The following BEND7 variants were observed in gnomAD, a reference collection of about 807,000 sequenced individuals.
The protein encoded by BEND7 is BEN domain-containing protein 7.
In BEND7, 28 loss-of-function variants were observed where a neutral mutation model predicts 50.9. That is an observed-to-expected ratio of 0.55 (90% CI 0.41 to 0.75). BEND7 has a LOEUF of 0.75. Ranked by LOEUF, BEND7 falls within the 30% of genes least tolerant of loss-of-function variation. The probability of loss-of-function intolerance (pLI) is 0.00; values close to 1 mark genes in which losing one functional copy is unlikely to be tolerated. For synonymous variants in BEND7, 170 were observed against 183.9 expected (o/e 0.92, Z 0.61); for missense variants, 477 against 491.3 (o/e 0.97, Z 0.28).
chr10:13,465,570 C>T (rs1045914518), intron 6 of BEND7, among the ~76,000 whole-genome samples: 1 of 152,166 alleles, frequency 6.6e-6, no homozygotes, highest in African/African-American at 2.4e-5. Flanking sequence ...AAACTGATTC[C>T]AAGCCATATT....
At chr10:13,468,112 T>C (rs2074436260) in intron 6 of BEND7, among the ~76,000 whole-genome samples, 1 of 152,130 alleles carries the variant, frequency 6.6e-6, no homozygotes, top group Non-Finnish European at 1.5e-5. Context: ...CTCAGGAGTG[T>C]CCCAGTGTGC....
chr10:13,448,074 T>C (rs1836816289), intron 7 of BEND7, among the ~76,000 whole-genome samples: 3 of 152,196 alleles, frequency 2.0e-5, no homozygotes, highest in South Asian at 4.1e-4. Context: ...AACGTGGTCA[T>C]GAAGAAGGAA....
chr10:13,453,955 G>A (rs190838738), intron 6 of BEND7, among the ~76,000 whole-genome samples: 1 of 152,320 alleles, frequency 6.6e-6, no homozygotes, highest in Non-Finnish European at 1.5e-5. Flanking sequence ...GGCTATATGT[G>A]ATCTCTACTG....
chr10:13,474,536 C>T (rs1014774318), intron 6 of BEND7, among the ~76,000 whole-genome samples: 52 of 137,558 alleles, frequency 3.8e-4, no homozygotes, highest in African/African-American at 6.5e-4. Flanking sequence ...TACCCGTCAC[C>T]GCTGTTGGAC....
chr10:13,440,581 G>A (rs543297357), downstream of BEND7, among the ~76,000 whole-genome samples: 3 of 152,338 alleles, frequency 2.0e-5, no homozygotes, highest in Non-Finnish European at 2.9e-5. Context: ...CCGCTGGTGC[G>A]GCCCGCTCAG....
chr10:13,517,130 T>C (rs1406654599), intron 2 of BEND7, among the ~76,000 whole-genome samples: 4 of 150,766 alleles, frequency 2.7e-5, no homozygotes, highest in Non-Finnish European at 5.9e-5. Context: ...AATGGTGCTA[T>C]CTCAGCTCGC....
chr10:13,516,530 T>C (rs968582385), intron 2 of BEND7, among the ~76,000 whole-genome samples: 2 of 152,100 alleles, frequency 1.3e-5, no homozygotes, highest in Admixed American at 1.3e-4. Context: ...GTTCAAGACC[T>C]GCCTGGCCAA....
At chr10:13,465,557 A>G (rs1160058162) in intron 6 of BEND7, among the ~76,000 whole-genome samples, 9 of 152,218 alleles carry the variant, frequency 5.9e-5, no homozygotes, top group Non-Finnish European at 1.2e-4. Context: ...CTAGATATCC[A>G]TAAAACTGAT....
chr10:13,524,545 G>A (rs753208316), intron 2 of BEND7, among the ~76,000 whole-genome samples: 1 of 151,638 alleles, frequency 6.6e-6, no homozygotes, highest in Non-Finnish European at 1.5e-5. Flanking sequence ...TCAGGAGGCT[G>A]AGGCAGGAGA....
At chr10:13,502,740 G>A in intron 2 of BEND7, 1 of 176,698 alleles carries the variant, frequency 5.7e-6, no homozygotes, top group Non-Finnish European at 1.1e-5. Flanking sequence ...GGCCGGGTAT[G>A]CCTGCACTGA....
intron 2 of BEND7, among the ~76,000 whole-genome samples, chr10:13,522,529 C>T (rs2079150569): frequency 6.6e-6 from 1 of 152,164 alleles, no homozygotes; most frequent in African/African-American, 2.4e-5. Context: ...GATGTGAAAG[C>T]ACTTTCTAAA....
chr10:13,468,950 C>T (rs887704266), intron 6 of BEND7, among the ~76,000 whole-genome samples: 1 of 152,212 alleles, frequency 6.6e-6, no homozygotes, highest in African/African-American at 2.4e-5. Flanking sequence ...CAGAAAGAGG[C>T]CAGCACAGGC....
At chr10:13,450,303 T>C (rs1388011300) in intron 7 of BEND7, among the ~76,000 whole-genome samples, 1 of 152,212 alleles carries the variant, frequency 6.6e-6, no homozygotes, top group Non-Finnish European at 1.5e-5. Context: ...AAGGTGGAAA[T>C]TGTGCAATCT....
chr10:13,470,682 G>A (rs1465672293), intron 6 of BEND7, among the ~76,000 whole-genome samples: 2 of 152,170 alleles, frequency 1.3e-5, no homozygotes, highest in Admixed American at 6.5e-5. Context: ...GTGATGAAGC[G>A]GTGGTGAAGC....
At chr10:13,503,177 A>T (rs2077605760) in intron 2 of BEND7, among the ~76,000 whole-genome samples, 1 of 152,176 alleles carries the variant, frequency 6.6e-6, no homozygotes, top group Non-Finnish European at 1.5e-5. Flanking sequence ...TGCAGGTGGC[A>T]ATGAGGGAGG....
At chr10:13,520,124 G>C (rs542723829) in intron 2 of BEND7, among the ~76,000 whole-genome samples, 1 of 152,290 alleles carries the variant, frequency 6.6e-6, no homozygotes, top group South Asian at 2.1e-4. Context: ...CCAGGCTCTT[G>C]TCTCCTAGTT....
intron 2 of BEND7, among the ~76,000 whole-genome samples, chr10:13,519,454 C>G (rs904821334): frequency 2.7e-5 from 4 of 147,264 alleles, no homozygotes; most frequent in East Asian, 2.0e-4. Flanking sequence ...CCAGCCTGGG[C>G]AACAGAGCGA....
intron 6 of BEND7, among the ~76,000 whole-genome samples, chr10:13,476,565 C>T (rs185275663): frequency 3.8e-4 from 58 of 152,308 alleles, no homozygotes; most frequent in Admixed American, 1.4e-3. Flanking sequence ...CTCTAAAAAT[C>T]GCTTTATTGC....
At chr10:13,518,291 G>C (rs2078841338) in intron 2 of BEND7, among the ~76,000 whole-genome samples, 1 of 152,220 alleles carries the variant, frequency 6.6e-6, no homozygotes, top group Non-Finnish European at 1.5e-5. Flanking sequence ...TGGCGAGCAG[G>C]CTGCAGGCTG....
Sources: gnomAD v4.1 joint callset for allele counts (sites outside exome capture counted in the v4.1 genomes callset) on GRCh38, gnomAD v4.1.1 for gene constraint, MANE v1.5 for transcripts, NCBI Gene and HGNC (gene_info 2026-07-23, HGNC 2026-07-21) for gene names.